The following PRKG1 variants were observed in gnomAD, a reference collection of about 807,000 sequenced individuals.
PRKG1 encodes cGMP-dependent protein kinase 1.
PRKG1 carries 35 observed loss-of-function variants against 88.1 expected under a neutral mutation model. That is an observed-to-expected ratio of 0.40 (90% confidence interval 0.30 to 0.53). PRKG1 has a LOEUF of 0.53. Ranked by LOEUF, PRKG1 falls within the 20% of genes least tolerant of loss-of-function variation. PRKG1 has a pLI of 0.59. For missense variants in PRKG1, 540 were observed against 839.8 expected, an observed-to-expected ratio of 0.64 and a Z score of 4.41; for synonymous variants, 303 against 292.5, an observed-to-expected ratio of 1.04 and a Z score of -0.37.
intron 3 of PRKG1, among the ~76,000 whole-genome samples, chr10:51,478,646 G>A (rs1018653649): frequency 2.7e-5 from 4 of 148,380 alleles, no homozygotes; most frequent in African/African-American, 1.0e-4. Context: ...ATACTGTGAG[G>A]CAAAAATCTA....
At chr10:51,453,505 G>A (rs1456469540) in intron 2 of PRKG1, among the ~76,000 whole-genome samples, 4 of 151,898 alleles carry the variant, frequency 2.6e-5, no homozygotes, top group Non-Finnish European at 5.9e-5. Context: ...GTTTTGATAA[G>A]TTGTGTACTA....
At chr10:51,951,965 T>G (rs1374046894) in intron 5 of PRKG1, among the ~76,000 whole-genome samples, 1 of 152,228 alleles carries the variant, frequency 6.6e-6, no homozygotes, top group Non-Finnish European at 1.5e-5. Context: ...CAGATTTCAG[T>G]GTTCATAAAG....
chr10:52,062,444 GA>G, intron 6 of PRKG1, 92 bp from the exon 7 acceptor site: 2 of 731,886 alleles, frequency 2.7e-6, no homozygotes, highest in Non-Finnish European at 2.0e-6. Context: ...AATAAGAAAA[GA>G]AACAAGAAAC....
chr10:51,588,165 T>A (rs1838218942), intron 3 of PRKG1, among the ~76,000 whole-genome samples: 1 of 152,198 alleles, frequency 6.6e-6, no homozygotes, highest in South Asian at 2.1e-4. Flanking sequence ...ACATTTTGAA[T>A]CCTAATGTAT....
intron 2 of PRKG1, among the ~76,000 whole-genome samples, chr10:51,430,324 G>A (rs2132724157): frequency 6.6e-6 from 1 of 152,226 alleles, no homozygotes; most frequent in Non-Finnish European, 1.5e-5. Context: ...AAGAGGCAGA[G>A]GTGGGAGGAT....
rs1292309593 is a variant in PRKG1, at chr10:51,615,370, A to G, written c.592+147534A>G. ...TCTGAACCTCCTCTATCTGATGTCT[A>G]AATCTCTTGCTAGATTTGGGAAGTA... is the stretch of plus-strand genomic sequence containing the variant. On this transcript the variant is annotated intron_variant, in intron 3 of 17. Coordinates refer to ENST00000373980, the MANE Select transcript of PRKG1 (RefSeq NM_006258.4). Among the ~76,000 whole-genome samples the G allele has an allele frequency of 2.0e-5, 3 of 152,134 alleles. No homozygotes were observed. In the East Asian group the frequency reaches 5.8e-4, roughly 29 times the overall value.
chr10:52,232,089 G>T (rs1223520289), intron 9 of PRKG1, among the ~76,000 whole-genome samples: 1 of 152,102 alleles, frequency 6.6e-6, no homozygotes, highest in Non-Finnish European at 1.5e-5. Context: ...GATCACCTGA[G>T]GTTGGGAGTT....
At chr10:51,947,166 G>C (rs1056218726) in intron 5 of PRKG1, among the ~76,000 whole-genome samples, 1 of 151,086 alleles carries the variant, frequency 6.6e-6, no homozygotes, top group Admixed American at 6.5e-5. Flanking sequence ...CCTGGGCAAT[G>C]GCAGGCTCCC....
intron 9 of PRKG1, among the ~76,000 whole-genome samples, chr10:52,191,589 A>C (rs759858214): frequency 6.6e-6 from 1 of 152,302 alleles, no homozygotes; most frequent in African/African-American, 2.4e-5. Context: ...TTAAACCTAC[A>C]TGATTGATTA....
chr10:51,391,431 T>C (rs540742974), intron 2 of PRKG1, among the ~76,000 whole-genome samples: 1 of 152,358 alleles, frequency 6.6e-6, no homozygotes, highest in East Asian at 1.9e-4. Flanking sequence ...TCTCTATGTT[T>C]AAGTTCCTGC....
chr10:51,125,948 C>T (rs1845387509), intron 1 of PRKG1, among the ~76,000 whole-genome samples: 2 of 126,620 alleles, frequency 1.6e-5, no homozygotes, highest in Admixed American at 8.5e-5. Flanking sequence ...TATAAATATA[C>T]AATTTTATAT....
intron 3 of PRKG1, among the ~76,000 whole-genome samples, chr10:51,547,446 C>A (rs1233591375): frequency 2.0e-5 from 3 of 152,030 alleles, no homozygotes; most frequent in African/African-American, 7.2e-5. Flanking sequence ...CTAATATTTG[C>A]CAAAATTTTT....
chr10:52,204,919 G>T (rs976933100), intron 9 of PRKG1, among the ~76,000 whole-genome samples: 2 of 152,132 alleles, frequency 1.3e-5, no homozygotes, highest in East Asian at 3.9e-4. Context: ...ACCGAAAACG[G>T]GTAAGAGAAA....
chr10:51,887,594 T>C (rs191742919), intron 4 of PRKG1, among the ~76,000 whole-genome samples: 1 of 152,356 alleles, frequency 6.6e-6, no homozygotes, highest in African/African-American at 2.4e-5. Flanking sequence ...TGTTTCTGTT[T>C]ACTTGTTTCT....
At chr10:51,212,654 A>T (rs1314878004) in intron 2 of PRKG1, among the ~76,000 whole-genome samples, 3 of 152,252 alleles carry the variant, frequency 2.0e-5, no homozygotes, top group Non-Finnish European at 4.4e-5. Flanking sequence ...AAAGTGGGCA[A>T]AGGATATGAA....
intron 3 of PRKG1, among the ~76,000 whole-genome samples, chr10:51,609,398 A>G (rs1387286086): frequency 6.6e-6 from 1 of 152,192 alleles, no homozygotes; most frequent in Non-Finnish European, 1.5e-5. Context: ...TGAGAATGTA[A>G]ATTAGTTCAA....
At chr10:51,373,220 A>C (rs1842739525) in intron 2 of PRKG1, among the ~76,000 whole-genome samples, 1 of 152,322 alleles carries the variant, frequency 6.6e-6, no homozygotes, top group Admixed American at 6.5e-5. Context: ...CTGTATAACA[A>C]ATTTTCACAA....
chr10:52,027,337 AGT>A (rs1325838502), intron 5 of PRKG1, among the ~76,000 whole-genome samples: 1 of 152,070 alleles, frequency 6.6e-6, no homozygotes, highest in African/African-American at 2.4e-5. Flanking sequence ...GATGAGGGTG[AGT>A]GTGTGTGTTT....
intron 1 of PRKG1, among the ~76,000 whole-genome samples, chr10:51,063,092 C>T (rs1843711236): frequency 6.6e-6 from 1 of 152,080 alleles, no homozygotes; most frequent in Non-Finnish European, 1.5e-5. Context: ...TAACTTGAAA[C>T]AAAATTTGGC....
Sources: allele counts gnomAD v4.1 joint callset (sites outside exome capture counted in the v4.1 genomes callset), GRCh38; gene constraint gnomAD v4.1.1; transcripts MANE v1.5; gene names NCBI Gene and HGNC (gene_info 2026-07-23, HGNC 2026-07-21).